Variants in LHFPL6 observed in about 807,000 individuals in gnomAD.
LHFPL6 encodes the protein LHFPL tetraspan subfamily member 6 protein.
A neutral mutation model predicts 20.6 loss-of-function variants in LHFPL6; 9 were observed. That is an observed-to-expected ratio of 0.44 (90% CI 0.26 to 0.76). The LOEUF (loss-of-function observed/expected upper bound fraction) is 0.76, where lower values mean the gene tolerates loss of function less well. Among genes scored for constraint, LHFPL6 ranks in the 30% least tolerant of loss-of-function variants. The pLI is 0.20. For missense variants in LHFPL6, 218 were observed against 253.5 expected, an observed-to-expected ratio of 0.86 and a Z score of 0.95; for synonymous variants, 105 against 98.7, an observed-to-expected ratio of 1.06 and a Z score of -0.38.
At chr13:39,409,770 T>C (rs1196998882) in intron 2 of LHFPL6, among the ~76,000 whole-genome samples, 4 of 152,140 alleles carry the variant, frequency 2.6e-5, no homozygotes, top group Non-Finnish European at 5.9e-5. Flanking sequence ...TTAGGGAAGA[T>C]ATAATGTGAG....
At chr13:39,386,118 GAA>G (rs1870557147) in intron 2 of LHFPL6, among the ~76,000 whole-genome samples, 1 of 152,124 alleles carries the variant, frequency 6.6e-6, no homozygotes, top group Admixed American at 6.6e-5. Context: ...CTGTTCTCAT[GAA>G]AGCTGCTCAA....
At chr13:39,453,744 T>G (rs1370921820) in intron 2 of LHFPL6, among the ~76,000 whole-genome samples, 1 of 152,216 alleles carries the variant, frequency 6.6e-6, no homozygotes, top group Non-Finnish European at 1.5e-5. Flanking sequence ...CATTTGTTCT[T>G]TAACTCAACA....
chr13:39,432,127 C>T (rs1871827703), intron 2 of LHFPL6, among the ~76,000 whole-genome samples: 1 of 152,150 alleles, frequency 6.6e-6, no homozygotes, highest in Non-Finnish European at 1.5e-5. Context: ...TGAGTCTGTA[C>T]CAGACACCTA....
chr13:39,591,071 A>C (rs1033564213), intron 2 of LHFPL6, among the ~76,000 whole-genome samples: 5 of 152,264 alleles, frequency 3.3e-5, no homozygotes, highest in African/African-American at 1.2e-4. Flanking sequence ...GCTGCTAATA[A>C]GTCCAAGTAT....
chr13:39,502,828 C>T (rs1356758925), intron 2 of LHFPL6, among the ~76,000 whole-genome samples: 4 of 152,160 alleles, frequency 2.6e-5, no homozygotes, highest in African/African-American at 9.7e-5. Context: ...ATGACAGTCT[C>T]TTCTAGTCTT....
intron 3 of LHFPL6, among the ~76,000 whole-genome samples, chr13:39,364,310 C>G (rs1013570681): frequency 6.6e-6 from 1 of 152,118 alleles, no homozygotes; most frequent in Admixed American, 6.6e-5. Context: ...TATCTAGAGT[C>G]CTGTGGGGTT....
At position 39,416,504 on chromosome 13, in the gene LHFPL6, G is replaced by A. The variant is rs79940249; in HGVS notation, c.386-37978C>T. On this transcript the variant is annotated intron_variant, in intron 2 of 3. Transcript: ENST00000379589. ...ACAGTTTAAAGGACAAAAAGGTAGA[G>A]AATAAAATGCCTTTTCCCTTCCCCT... Among the ~76,000 whole-genome samples, 420 of 152,296 alleles carry A rather than the reference G, an allele frequency of 2.8e-3. 12 individuals are homozygous for A. The East Asian group carries it at 0.049, about 18-fold the overall frequency.
chr13:39,516,405 G>A (rs1466171305), intron 2 of LHFPL6, among the ~76,000 whole-genome samples: 1 of 152,258 alleles, frequency 6.6e-6, no homozygotes, highest in Non-Finnish European at 1.5e-5. Flanking sequence ...TGATTTTGCT[G>A]TCATGGGGTA....
intron 2 of LHFPL6, among the ~76,000 whole-genome samples, chr13:39,491,667 G>T (rs1446589429): frequency 2.0e-5 from 3 of 152,170 alleles, no homozygotes; most frequent in African/African-American, 2.4e-5. Context: ...GGGACAAGGG[G>T]AAAGGAGATA....
chr13:39,350,889 G>A (rs1869553670), intron 3 of LHFPL6, among the ~76,000 whole-genome samples: 1 of 152,214 alleles, frequency 6.6e-6, no homozygotes, highest in Admixed American at 6.5e-5. Flanking sequence ...ATTTCTTACG[G>A]TGGCTCAAAT....
rs924290494 is a variant in LHFPL6, at chr13:39,496,835, G to A, written c.385+103997C>T. 5.9e-5 allele frequency among the ~76,000 whole-genome samples: 9 copies of A among 152,328 alleles called. No individual in the cohort carries two copies. In the South Asian group the frequency reaches 1.7e-3, roughly 28 times the overall value. ...GCATTTCCAATGACCAACTGGGAGTGAAGTGCTGTCATCATTCTCCATGAT... is the reference window on the plus strand; with the variant it reads ...GCATTTCCAATGACCAACTGGGAGTAAAGTGCTGTCATCATTCTCCATGAT... On this transcript the variant is annotated intron_variant, in intron 2 of 3. Coordinates refer to ENST00000379589, the MANE Select transcript of LHFPL6 (RefSeq NM_005780.3).
chr13:39,396,253 G>A (rs1185896983), intron 2 of LHFPL6, among the ~76,000 whole-genome samples: 7 of 152,014 alleles, frequency 4.6e-5, no homozygotes, highest in Admixed American at 6.6e-5. Context: ...TTCTGATGGG[G>A]CTGCACCTGA....
At chr13:39,357,415 G>A (rs1426237193) in intron 3 of LHFPL6, among the ~76,000 whole-genome samples, 1 of 152,188 alleles carries the variant, frequency 6.6e-6, no homozygotes, top group African/African-American at 2.4e-5. Context: ...AAACCTAGAA[G>A]CATTCCCCTT....
At chr13:39,388,764 T>C (rs897660575) in intron 2 of LHFPL6, among the ~76,000 whole-genome samples, 12 of 152,164 alleles carry the variant, frequency 7.9e-5, no homozygotes, top group Non-Finnish European at 1.8e-4. Context: ...TACTGTGTGT[T>C]TGAAGTCTCA....
At chr13:39,591,635 A>G (rs1282782707) in intron 2 of LHFPL6, among the ~76,000 whole-genome samples, 1 of 152,174 alleles carries the variant, frequency 6.6e-6, no homozygotes, top group African/African-American at 2.4e-5. Flanking sequence ...TATTTCTCCA[A>G]ATATGGTCTG....
At chr13:39,460,923 A>AT (rs1872672910) in intron 2 of LHFPL6, among the ~76,000 whole-genome samples, 2 of 152,030 alleles carry the variant, frequency 1.3e-5, no homozygotes, top group Admixed American at 1.3e-4. Context: ...TATACAGATT[A>AT]TTTTGTGACC....
At chr13:39,536,399 C>T (rs949478016) in intron 2 of LHFPL6, among the ~76,000 whole-genome samples, 3 of 152,162 alleles carry the variant, frequency 2.0e-5, no homozygotes, top group African/African-American at 7.2e-5. Context: ...CATCTCCAGG[C>T]TCTCTGCACT....
At chr13:39,492,067 A>G (rs1170201973) in intron 2 of LHFPL6, among the ~76,000 whole-genome samples, 1 of 152,220 alleles carries the variant, frequency 6.6e-6, no homozygotes, top group African/African-American at 2.4e-5. Flanking sequence ...TCATCTTTCT[A>G]TCTCCTTATC....
chr13:39,343,673 G>A lies in LHFPL6; in HGVS notation c.*263C>T, dbSNP rs577377788. ...TGTTGTACATTAACAATACTCTGTG[G>A]AATAGAAACACCCGATGCCCTGCAA... On this transcript the variant is annotated 3_prime_UTR_variant, in exon 4 of 4. Transcript: ENST00000379589. 1 of 330,940 alleles carries A rather than the reference G, an allele frequency of 3.0e-6. No homozygotes were observed. The highest frequency in any genetic ancestry group is 4.6e-5 in the South Asian group (1 of 21,514). 20.5% of individuals were successfully genotyped at this position (330,940 alleles called of 1,614,324 possible). A position where few individuals can be genotyped will look rare whatever the true frequency, so the allele number is the denominator to read the frequency against.
Sources: allele counts gnomAD v4.1 joint callset (sites outside exome capture counted in the v4.1 genomes callset), GRCh38; gene constraint gnomAD v4.1.1; transcripts MANE v1.5; gene names NCBI Gene and HGNC (gene_info 2026-07-23, HGNC 2026-07-21).